The following CAMK2G variants were observed in gnomAD, a reference collection of about 807,000 sequenced individuals.
The protein encoded by CAMK2G is calcium/calmodulin dependent protein kinase II gamma.
A neutral mutation model predicts 88.7 loss-of-function variants in CAMK2G; 23 were observed. That is an observed-to-expected ratio of 0.26 (90% CI 0.19 to 0.37). CAMK2G has a LOEUF of 0.37. Ranked by LOEUF, CAMK2G falls within the 10% of genes least tolerant of loss-of-function variation. CAMK2G has a pLI of 1.00. For missense variants in CAMK2G, 476 were observed against 780.8 expected, an observed-to-expected ratio of 0.61 and a Z score of 4.65; for synonymous variants, 263 against 294.8, an observed-to-expected ratio of 0.89 and a Z score of 1.11.
chr10:73,864,713 G>A (rs1017193368), intron 2 of CAMK2G, among the ~76,000 whole-genome samples: 1 of 152,074 alleles, frequency 6.6e-6, no homozygotes, highest in African/African-American at 2.4e-5. Flanking sequence ...CATGATCTCG[G>A]CTCACTGCAA....
chr10:73,816,645 G>A, intron 21 of CAMK2G: 1 of 714,588 alleles, frequency 1.4e-6, no homozygotes, highest in East Asian at 6.6e-5. Context: ...ATTTTTAGTA[G>A]AGATGGGGTT....
At chr10:73,836,585 A>G (rs780720332) in intron 14 of CAMK2G, among the ~76,000 whole-genome samples, 1 of 151,826 alleles carries the variant, frequency 6.6e-6, no homozygotes, top group Non-Finnish European at 1.5e-5. Context: ...GGGAAAGAGG[A>G]GGGAGTGGGG....
At chr10:73,872,186 AG>A (rs1485446457) in intron 2 of CAMK2G, among the ~76,000 whole-genome samples, 4 of 152,204 alleles carry the variant, frequency 2.6e-5, no homozygotes, top group African/African-American at 9.6e-5. Flanking sequence ...AGTACCCAAT[AG>A]GAAGTTCAGA....
intron 5 of CAMK2G, among the ~76,000 whole-genome samples, chr10:73,851,938 G>C (rs765296481): frequency 2.6e-5 from 4 of 151,936 alleles, no homozygotes; most frequent in Admixed American, 6.6e-5. Flanking sequence ...GTAGAGACAG[G>C]GTTTCACTAT....
Position 73,874,437 on chromosome 10 carries a change from G to C in CAMK2G, c.25C>G (p.Arg9Gly). The C allele has an allele frequency of 2.0e-6, 3 of 1,521,332 alleles. No individual in the cohort carries two copies. Among genetic ancestry groups the C allele is most frequent in the Non-Finnish European group, 2.7e-6 (3 of 1,125,706 alleles). 94.2% of individuals were successfully genotyped at this position (1,521,332 alleles called of 1,614,324 possible). A position where few individuals can be genotyped will look rare whatever the true frequency, so the allele number is the denominator to read the frequency against. Residue 9 changes from arginine to glycine, a missense_variant, in exon 1 of 23, where the codon CGT becomes GGT. Arg to Gly is a moderately radical substitution (Grantham distance 125). Around this residue, in one of 3 missense-constraint regions of CAMK2G, gnomAD observed 34 missense variants for 28.7 expected, o/e 1.19. Coordinates refer to ENST00000423381, the MANE Select transcript of CAMK2G (RefSeq NM_001367534.1). MATTATCT[R>G]FTDDYQLFEE... is the part of the protein sequence containing the mutation. ...AAGAGCTGGTAGTCGTCGGTGAAAC[G>C]GGTGCAGGTGGCGGTGGTGGCCATG...
chr10:73,855,950 T>C (rs2094998430), intron 3 of CAMK2G, among the ~76,000 whole-genome samples: 2 of 152,208 alleles, frequency 1.3e-5, no homozygotes, highest in South Asian at 4.1e-4. Flanking sequence ...ATTTCTTTTT[T>C]TTTTTAAGAG....
chr10:73,851,626 G>A (rs1447179793), intron 5 of CAMK2G, among the ~76,000 whole-genome samples: 1 of 152,162 alleles, frequency 6.6e-6, no homozygotes, highest in African/African-American at 2.4e-5. Context: ...GAAAAGGGCA[G>A]AGGGGGACAT....
At position 73,817,023 on chromosome 10, in the gene CAMK2G, G is replaced by T. The variant is rs755908816; in HGVS notation, c.1534C>A (p.Leu512Ile). ...MDFHKFYFENLLSKNSKPIHT... is the reference protein window; with the variant it reads ...MDFHKFYFENILSKNSKPIHT... ...ATATCAGCAGCACGAACCCACTCAC[G>T]ATTCTCAAAGTAAAACTTATGGAAA... The change falls in exon 21 of 23, where the codon CTC (leucine) becomes ATC (isoleucine). Residue 512 changes from leucine (L) to isoleucine (I), a missense_variant and splice_region_variant. Physicochemically the swap from Leu to Ile is conservative, Grantham distance 5 (BLOSUM62 2). Around this residue, in one of 3 missense-constraint regions of CAMK2G, gnomAD observed 278 missense variants for 366.5 expected, o/e 0.76. Transcript: ENST00000423381. 1.2e-6 allele frequency: 2 copies of T among 1,614,060 alleles called. No individual in the cohort carries two copies. Among genetic ancestry groups the T allele is most frequent in the Non-Finnish European group, 1.7e-6 (2 of 1,179,998 alleles).
chr10:73,844,096 T>G (rs35207902), intron 10 of CAMK2G, among the ~76,000 whole-genome samples: 1 of 145,374 alleles, frequency 6.9e-6, no homozygotes, highest in Non-Finnish European at 1.5e-5. Context: ...AACAAAAAAA[T>G]TTTTTTTTTT....
chr10:73,821,624 G>A (rs909570091), intron 18 of CAMK2G, 58 bp downstream of exon 18: 9 of 1,342,804 alleles, frequency 6.7e-6, no homozygotes, highest in Admixed American at 5.3e-5. Flanking sequence ...TGCCCCATTG[G>A]AGCCCAGGTA....
rs761057099 is a variant in CAMK2G at position 73,828,082 on chromosome 10, G to C, written c.1086+7C>G. ...GAGTGGGCGATGGGTGGGCAGGCAAGGCTCACCATTAGGTGCACGCTGGAA... is the reference window on the plus strand; with the variant it reads ...GAGTGGGCGATGGGTGGGCAGGCAACGCTCACCATTAGGTGCACGCTGGAA... On this transcript the variant is annotated splice_region_variant and intron_variant, in intron 15 of 22. Transcript: ENST00000423381. 6.2e-7 allele frequency: 1 copy of C among 1,612,346 alleles called. No individual in the cohort carries two copies. Among genetic ancestry groups the C allele is most frequent in the South Asian group, 1.1e-5 (1 of 91,054 alleles).
intron 17 of CAMK2G, 81 bp from the exon 18 acceptor site, chr10:73,821,811 C>G (rs2133403537): frequency 8.7e-7 from 1 of 1,155,970 alleles, no homozygotes. Flanking sequence ...AGCAGAGTTT[C>G]TGCTCCTACA....
chr10:73,851,750 T>TC (rs1555054369), intron 5 of CAMK2G, among the ~76,000 whole-genome samples: 2 of 82,330 alleles, frequency 2.4e-5, no homozygotes, highest in Non-Finnish European at 4.8e-5. Context: ...ATTTTTTTTG[T>TC]GGGGGGGGGG....
chr10:73,848,000 A>G lies in CAMK2G; in HGVS notation c.684T>C (p.Ala228=). 6.2e-7 allele frequency: 1 copy of G among 1,607,914 alleles called. No homozygotes were observed. Among genetic ancestry groups the G allele is most frequent in the South Asian group, 1.1e-5 (1 of 90,940 alleles). ...CTCTGGTCCTTACATCATAGGCTCC[A>G]GCCTTGATCTGCTGATACAGCTTGT... The part of the protein sequence containing the change: ...DQHKLYQQIK[A]GAYDFPSPEW... The change falls in exon 9 of 23, where the codon GCT becomes GCC. Residue 228 remains alanine (A), a synonymous_variant. Transcript: ENST00000423381.
rs1330686028 is a variant in CAMK2G, at chr10:73,839,574, G to A, written c.974C>T (p.Ser325Leu). The A allele has an allele frequency of 2.4e-6, 3 of 1,234,154 alleles. No homozygotes were observed. Among genetic ancestry groups the A allele is most frequent in the South Asian group, 4.1e-5 (1 of 24,554 alleles). 76.5% of individuals were successfully genotyped at this position (1,234,154 alleles called of 1,614,324 possible). ...CAGGCCGGCGGCGCTCGCGGCAGGC[G>A]AGGCGGGGGCGGAGCTCTGCCTGCC... ...SVGRQSSAPASPAASAAGLAG... is the reference protein window; with the variant it reads ...SVGRQSSAPALPAASAAGLAG... The change falls in exon 13 of 23, where the codon TCG becomes TTG. Residue 325 changes from serine to leucine, a missense_variant. Physicochemically the swap from Ser to Leu is moderately radical, Grantham distance 145 (BLOSUM62 -2). Transcript: ENST00000423381. The surrounding 1 kb of genome is among the most constrained non-coding windows in gnomAD (Gnocchi z 4.2).
rs575848157 is a variant in CAMK2G, at chr10:73,873,401, C to A, written c.66-318G>T. Reference sequence around the variant, plus strand: ...CTGAAAACACACACCTGCTGCATCTCAGACAGCCCTGCGGTCCCGGCCAAG... The same window carrying A: ...CTGAAAACACACACCTGCTGCATCTAAGACAGCCCTGCGGTCCCGGCCAAG... On this transcript the variant is annotated intron_variant, in intron 1 of 22. Transcript: ENST00000423381. The A allele has an allele frequency of 8.9e-6, 11 of 1,231,888 alleles. No homozygotes were observed. The East Asian group carries it at 4.1e-4, about 46-fold the overall frequency. The allele number at this position is 1,231,888 out of a possible 1,614,324, so 76.3% of individuals were successfully genotyped here. A position where few individuals can be genotyped will look rare whatever the true frequency, so the allele number is the denominator to read the frequency against.
Position 73,842,925 on chromosome 10 carries a change from CG to C in CAMK2G, c.820-385del, listed in dbSNP as rs1555038266. On this transcript the variant is annotated intron_variant, in intron 10 of 22. Coordinates refer to ENST00000423381, the MANE Select transcript of CAMK2G (RefSeq NM_001367534.1). The surrounding 1 kb of genome is among the most constrained non-coding windows in gnomAD (Gnocchi z 4.6). ...TTCCAGATGCTCAGCAGCGAGAGAA[CG>C]GCAGGGTTCCTGCTCTCTACAGAGG... Among the ~76,000 whole-genome samples the C allele has an allele frequency of 3.3e-5, 5 of 152,164 alleles. No homozygotes were observed. Among genetic ancestry groups the C allele is most frequent in the Non-Finnish European group, 5.9e-5 (4 of 68,036 alleles).
chr10:73,849,198 A>C (rs889986366), intron 6 of CAMK2G, 63 bp downstream of exon 6: 20 of 1,560,466 alleles, frequency 1.3e-5, no homozygotes, highest in Middle Eastern at 3.4e-4. Flanking sequence ...CAGTACCACT[A>C]TCTGGCACCA....
intron 2 of CAMK2G, among the ~76,000 whole-genome samples, chr10:73,870,422 T>C (rs982182459): frequency 2.0e-5 from 3 of 152,156 alleles, no homozygotes; most frequent in Non-Finnish European, 2.9e-5. Context: ...TAGCCGCCAA[T>C]GTGGGCCTCT....
Sources: gnomAD v4.1 joint callset for allele counts (sites outside exome capture counted in the v4.1 genomes callset) on GRCh38, gnomAD v4.1.1 for gene constraint, gnomAD v4.1.1 regional missense constraint, Gnocchi (gnomAD v3.1) non-coding constraint, MANE v1.5 for transcripts, NCBI Gene and HGNC (gene_info 2026-07-23, HGNC 2026-07-21) for gene names.